DLG2: variants seen among roughly 807,000 people sequenced by gnomAD.
DLG2 encodes discs large MAGUK scaffold protein 2, also known as disks large homolog 2.
A neutral mutation model predicts 132.5 loss-of-function variants in DLG2; 45 were observed. The ratio of observed to expected loss-of-function variants is 0.34; its 90% CI spans 0.27 to 0.44. The LOEUF is 0.44. DLG2 is among the 20% of genes least tolerant of loss of function. DLG2 has a pLI of 1.00. For synonymous variants in DLG2, 424 were observed against 419.6 expected (o/e 1.01, Z -0.13); for missense variants, 1,045 against 1,196.9 (o/e 0.87, Z 1.87).
chr11:84,182,891 G>T (rs2096177737), intron 8 of DLG2, among the ~76,000 whole-genome samples: 1 of 152,058 alleles, frequency 6.6e-6, no homozygotes, highest in Non-Finnish European at 1.5e-5. Flanking sequence ...GCTAATATTA[G>T]AAAAGAAACA....
chr11:85,475,952 T>C lies in DLG2; in HGVS notation c.40+122705A>G, dbSNP rs148519991. On this transcript the variant is annotated intron_variant, in intron 3 of 27. Transcript: ENST00000376104. Reference sequence around the variant, plus strand: ...TACGAATAGACGTAATATCCAAAGATCTAAGAAAGTATCTACTAACAAACA... The same window carrying C: ...TACGAATAGACGTAATATCCAAAGACCTAAGAAAGTATCTACTAACAAACA... Among the ~76,000 whole-genome samples the C allele has an allele frequency of 2.0e-5, 3 of 152,222 alleles. No homozygotes were observed. The East Asian group carries it at 5.8e-4, about 29-fold the overall frequency.
chr11:85,482,294 C>T (rs1349691475), intron 3 of DLG2, among the ~76,000 whole-genome samples: 2 of 152,156 alleles, frequency 1.3e-5, no homozygotes, highest in Non-Finnish European at 2.9e-5. Flanking sequence ...CCCCAGGCTT[C>T]TATCCCACCC....
chr11:85,274,585 T>C (rs998060469), intron 4 of DLG2, among the ~76,000 whole-genome samples: 2 of 152,050 alleles, frequency 1.3e-5, no homozygotes, highest in African/African-American at 4.8e-5. Context: ...AAATGATATC[T>C]CCAAATGAAG....
chr11:85,075,851 GT>G (rs986202393), intron 6 of DLG2, among the ~76,000 whole-genome samples: 1 of 151,924 alleles, frequency 6.6e-6, no homozygotes, highest in Non-Finnish European at 1.5e-5. Flanking sequence ...AACTGATTAG[GT>G]GTTTTAATCA....
chr11:85,415,736 A>G (rs1437724402), intron 3 of DLG2, among the ~76,000 whole-genome samples: 3 of 151,836 alleles, frequency 2.0e-5, no homozygotes, highest in Admixed American at 6.6e-5. Flanking sequence ...AGTTCTTTGT[A>G]GATTCTGGAT....
At chr11:84,150,365 C>T (rs1320204916) in intron 9 of DLG2, among the ~76,000 whole-genome samples, 1 of 152,142 alleles carries the variant, frequency 6.6e-6, no homozygotes, top group Non-Finnish European at 1.5e-5. Context: ...ATTTGGCTCT[C>T]AGCTTGAACA....
At chr11:84,494,948 A>G (rs191691041) in intron 7 of DLG2, among the ~76,000 whole-genome samples, 232 of 152,148 alleles carry the variant, frequency 1.5e-3, no homozygotes, top group Non-Finnish European at 2.3e-3. Context: ...AGCTTTTCAC[A>G]TTTTTCTCTT....
At position 84,163,374 on chromosome 11, in the gene DLG2, T is replaced by C. The variant is rs372713796; in HGVS notation, c.624+87A>G. The C allele has an allele frequency of 4.8e-6, 6 of 1,245,382 alleles. No homozygotes were observed. The East Asian group carries it at 1.2e-4, about 26-fold the overall frequency. The allele number at this position is 1,245,382 out of a possible 1,614,324, so 77.1% of individuals were successfully genotyped here. On this transcript the variant is annotated intron_variant, in intron 9 of 27. Transcript: ENST00000376104. ...ACTTCCAGGTTATAAAACACAATTG[T>C]ATAATTTCACAAGACAACTCATTAA...
intron 6 of DLG2, among the ~76,000 whole-genome samples, chr11:84,919,763 C>A (rs1419968027): frequency 6.6e-6 from 1 of 152,064 alleles, no homozygotes; most frequent in Non-Finnish European, 1.5e-5. Flanking sequence ...AAAAATTGAT[C>A]CATTTCCAAA....
intron 3 of DLG2, among the ~76,000 whole-genome samples, chr11:85,305,737 T>TCTCCTGAC (rs1241608494): frequency 6.6e-6 from 1 of 152,142 alleles, no homozygotes; most frequent in African/African-American, 2.4e-5. Flanking sequence ...ATGGTCTGGA[T>TCTCCTGAC]CTCCTGACCT....
intron 3 of DLG2, among the ~76,000 whole-genome samples, chr11:85,307,513 C>T (rs1239237844): frequency 1.3e-5 from 2 of 152,092 alleles, no homozygotes; most frequent in East Asian, 3.9e-4. Flanking sequence ...TTTTAGCAGA[C>T]GTTGGCTAGG....
At chr11:84,986,066 CAAGAA>C (rs1471359639) in intron 6 of DLG2, among the ~76,000 whole-genome samples, 1 of 139,222 alleles carries the variant, frequency 7.2e-6, no homozygotes, top group Non-Finnish European at 1.6e-5. Context: ...CAAGATTAAC[CAAGAA>C]AAGAAGAGAT....
chr11:83,882,112 GA>G (rs567872297), intron 15 of DLG2, among the ~76,000 whole-genome samples: 88 of 151,628 alleles, frequency 5.8e-4, no homozygotes, highest in Non-Finnish European at 1.1e-3. Flanking sequence ...TAGAACTTCA[GA>G]AAAAAAATGG....
chr11:84,918,011 C>T (rs1227897485), intron 6 of DLG2, among the ~76,000 whole-genome samples: 5 of 152,260 alleles, frequency 3.3e-5, no homozygotes, highest in South Asian at 2.1e-4. Flanking sequence ...CTGCCTACAA[C>T]AAATTATGTG....
intron 8 of DLG2, among the ~76,000 whole-genome samples, chr11:84,181,511 G>A (rs540844363): frequency 6.6e-6 from 1 of 152,152 alleles, no homozygotes; most frequent in African/African-American, 2.4e-5. Flanking sequence ...ATTAATCCAA[G>A]TAGTAAATAC....
At chr11:83,696,231 AG>A (rs2081920722) in intron 18 of DLG2, among the ~76,000 whole-genome samples, 3 of 152,192 alleles carry the variant, frequency 2.0e-5, no homozygotes, top group South Asian at 4.1e-4. Context: ...AAAGAAAAGA[AG>A]GGAGAACTAA....
intron 7 of DLG2, among the ~76,000 whole-genome samples, chr11:84,330,484 T>C (rs181224112): frequency 1.5e-3 from 227 of 152,346 alleles, no homozygotes; most frequent in South Asian, 1.9e-3. Context: ...AGTTTTCCCA[T>C]GGTCACAGCA....
chr11:84,991,240 T>C (rs1241565036), intron 6 of DLG2, among the ~76,000 whole-genome samples: 2 of 152,194 alleles, frequency 1.3e-5, no homozygotes, highest in East Asian at 3.9e-4. Flanking sequence ...TTGGGCATAG[T>C]GGCCAGTGCC....
chr11:85,449,204 T>A (rs1323033853), intron 3 of DLG2, among the ~76,000 whole-genome samples: 2 of 152,158 alleles, frequency 1.3e-5, no homozygotes, highest in African/African-American at 2.4e-5. Flanking sequence ...AACAGAGAAT[T>A]ATGTCTTCCA....
Sources: allele counts gnomAD v4.1 joint callset (sites outside exome capture counted in the v4.1 genomes callset), GRCh38; gene constraint gnomAD v4.1.1; transcripts MANE v1.5; gene names NCBI Gene and HGNC (gene_info 2026-07-23, HGNC 2026-07-21).